FMN2: variants seen among roughly 807,000 people sequenced by gnomAD.
The protein encoded by FMN2 is formin-2.
Under a neutral mutation model 142.3 loss-of-function variants are expected in FMN2, and 51 were observed. The ratio of observed to expected loss-of-function variants is 0.36; its 90% confidence interval spans 0.29 to 0.45. The LOEUF is 0.45. FMN2 is among the 20% of genes least tolerant of loss of function. FMN2 has a pLI of 1.00. For synonymous variants in FMN2, 882 were observed against 869.8 expected (o/e 1.01, Z -0.25); for missense variants, 1,936 against 2,122.8 (o/e 0.91, Z 1.73).
At chr1:240,163,296 A>C (rs1431305333) in intron 2 of FMN2, among the ~76,000 whole-genome samples, 6 of 152,180 alleles carry the variant, frequency 3.9e-5, no homozygotes, top group Admixed American at 6.5e-5. Flanking sequence ...TGTAGCAGCT[A>C]TTGAGAAAGT....
chr1:240,093,923 T>G (rs528518014), intron 1 of FMN2, among the ~76,000 whole-genome samples, 199 bp downstream of exon 1: 1 of 152,354 alleles, frequency 6.6e-6, no homozygotes, highest in African/African-American at 2.4e-5. Flanking sequence ...GTTTTCTGTG[T>G]TCTTACAAGA....
chr1:240,270,497 A>G (rs1238599230), intron 7 of FMN2, among the ~76,000 whole-genome samples: 1 of 152,112 alleles, frequency 6.6e-6, no homozygotes, highest in Non-Finnish European at 1.5e-5. Flanking sequence ...CATTGGCTTC[A>G]GTAGTACTGC....
chr1:240,193,703 C>T (rs1269674359), intron 4 of FMN2, among the ~76,000 whole-genome samples: 1 of 152,244 alleles, frequency 6.6e-6, no homozygotes, highest in Non-Finnish European at 1.5e-5. Context: ...CCTTGGCCTG[C>T]AGCCTGACAG....
At chr1:240,234,817 A>T (rs903185853) in intron 6 of FMN2, among the ~76,000 whole-genome samples, 1 of 152,130 alleles carries the variant, frequency 6.6e-6, no homozygotes, top group African/African-American at 2.4e-5. Flanking sequence ...TTATTTCTCC[A>T]GTTATGTTTT....
At chr1:240,322,779 T>C (rs1671018314) in intron 8 of FMN2, among the ~76,000 whole-genome samples, 1 of 152,168 alleles carries the variant, frequency 6.6e-6, no homozygotes, top group Non-Finnish European at 1.5e-5. Flanking sequence ...GGCTTGTGGC[T>C]GGCACACACG....
chr1:240,472,105 C>A, intron 16 of FMN2: 1 of 339,704 alleles, frequency 2.9e-6, no homozygotes, highest in Non-Finnish European at 5.3e-6. Context: ...TGCATACACA[C>A]TCTGCATAGA....
chr1:240,218,227 G>A (rs2103417035), intron 6 of FMN2, among the ~76,000 whole-genome samples: 1 of 140,674 alleles, frequency 7.1e-6, no homozygotes, highest in Non-Finnish European at 1.5e-5. Context: ...ATGTTGCAGT[G>A]AGTCAAGATT....
chr1:240,267,406 T>A (rs893137544), intron 7 of FMN2, among the ~76,000 whole-genome samples: 8 of 152,058 alleles, frequency 5.3e-5, no homozygotes, highest in Non-Finnish European at 1.0e-4. Context: ...ATACCGCATG[T>A]TCTCACTTAA....
intron 3 of FMN2, 66 bp from the exon 4 acceptor site, chr1:240,188,141 T>C (rs1457189338): frequency 2.7e-6 from 4 of 1,497,692 alleles, no homozygotes; most frequent in African/African-American, 2.8e-5. Flanking sequence ...AAGTTTTATT[T>C]TCTGATTGAA....
chr1:240,226,276 A>C (rs1667294687), intron 6 of FMN2, among the ~76,000 whole-genome samples: 1 of 152,250 alleles, frequency 6.6e-6, no homozygotes, highest in Non-Finnish European at 1.5e-5. Flanking sequence ...ACAATTAAAA[A>C]GTATGAATGC....
intron 8 of FMN2, among the ~76,000 whole-genome samples, chr1:240,311,520 G>A (rs535590193): frequency 8.6e-5 from 13 of 151,956 alleles, no homozygotes; most frequent in South Asian, 8.3e-4. Flanking sequence ...AACCATAAAC[G>A]TGCTTAAGGT....
intron 1 of FMN2, among the ~76,000 whole-genome samples, chr1:240,099,155 G>A (rs1416434535): frequency 6.6e-6 from 1 of 151,750 alleles, no homozygotes; most frequent in Non-Finnish European, 1.5e-5. Flanking sequence ...ACTTAACTGG[G>A]GCTATTTGCT....
chr1:240,374,044 A>G (rs1225502437), intron 14 of FMN2, among the ~76,000 whole-genome samples: 6 of 152,214 alleles, frequency 3.9e-5, no homozygotes, highest in Non-Finnish European at 5.9e-5. Flanking sequence ...TATTAAAAAC[A>G]TCTCCATCAG....
chr1:240,380,858 A>C (rs1403419240), intron 14 of FMN2, among the ~76,000 whole-genome samples: 2 of 152,118 alleles, frequency 1.3e-5, no homozygotes, highest in Non-Finnish European at 2.9e-5. Flanking sequence ...TTAACCAAGG[A>C]AAAAAAGATT....
At position 240,334,158 on chromosome 1, in the gene FMN2, T is replaced by G; in HGVS notation, c.4694T>G (p.Leu1565Arg). 1 of 1,606,878 alleles carries G rather than the reference T, an allele frequency of 6.2e-7. No individual in the cohort carries two copies. Residue 1565 changes from leucine to arginine, a missense_variant, in exon 13 of 18, where the codon CTT becomes CGT. Transcript: ENST00000319653. ...CLFPLPEPQD[L>R]FQASQMKFED... The stretch of plus-strand genomic sequence containing the variant: ...TTTCCACTGCCAGAACCCCAGGACC[T>G]TTTTCAGGCCTCACAGATGAAGTTT...
At chr1:240,181,734 T>G (rs1057401240) in intron 3 of FMN2, among the ~76,000 whole-genome samples, 1 of 152,178 alleles carries the variant, frequency 6.6e-6, no homozygotes, top group African/African-American at 2.4e-5. Flanking sequence ...TTGGTGGCAT[T>G]AAACAAATAA....
intron 15 of FMN2, among the ~76,000 whole-genome samples, chr1:240,431,164 TTAGA>T (rs1451684288): frequency 1.3e-5 from 2 of 151,842 alleles, no homozygotes; most frequent in Non-Finnish European, 2.9e-5. Flanking sequence ...TGATTTATTG[TTAGA>T]TAGTTGATGT....
intron 4 of FMN2, among the ~76,000 whole-genome samples, chr1:240,194,410 C>A (rs138439184): frequency 9.2e-5 from 14 of 152,226 alleles, no homozygotes; most frequent in Admixed American, 3.9e-4. Flanking sequence ...GCAACTATTG[C>A]GCTAGGGAAG....
intron 16 of FMN2, among the ~76,000 whole-genome samples, chr1:240,457,166 A>T (rs1676277000): frequency 6.6e-6 from 1 of 152,142 alleles, no homozygotes; most frequent in Admixed American, 6.5e-5. Context: ...CTCTTGCTCT[A>T]GGAAAAATCT....
Sources: gnomAD v4.1 joint callset for allele counts (sites outside exome capture counted in the v4.1 genomes callset) on GRCh38, gnomAD v4.1.1 for gene constraint, MANE v1.5 for transcripts, NCBI Gene and HGNC (gene_info 2026-07-23, HGNC 2026-07-21) for gene names.